Variants in SMPD1 observed in about 807,000 individuals in gnomAD.
The protein encoded by SMPD1 is sphingomyelin phosphodiesterase.
SMPD1 carries 47 observed loss-of-function variants against 49.7 expected under a neutral mutation model. That is an observed-to-expected ratio of 0.95 (90% CI 0.75 to 1.21). SMPD1 has a LOEUF of 1.21. Among genes scored for constraint, SMPD1 ranks in the 50% most tolerant of loss-of-function variants. SMPD1 has a pLI of 0.00. For synonymous variants in SMPD1, 336 were observed against 339.6 expected (o/e 0.99, Z 0.12); for missense variants, 811 against 822.2 (o/e 0.99, Z 0.17).
rs766150536 is a variant in SMPD1 at position 6,391,707 on chromosome 11, C to G, written c.642C>G (p.Asp214Glu). The change falls in exon 2 of 6, where the codon GAC becomes GAG. Residue 214 changes from aspartate (D) to glutamate (E), a missense_variant. Coordinates refer to ENST00000342245, the MANE Select transcript of SMPD1 (RefSeq NM_000543.5). ...LFLTDLHWDH[D>E]YLEGTDPDCA... is the part of the protein sequence containing the mutation. Reference sequence around the variant, plus strand: ...TCACTGACCTGCACTGGGATCATGACTACCTGGAGGGCACGGACCCTGACT... The same window carrying G: ...TCACTGACCTGCACTGGGATCATGAGTACCTGGAGGGCACGGACCCTGACT... 6.6e-7 allele frequency: 1 copy of G among 1,504,386 alleles called. No homozygotes were observed. The highest frequency in any genetic ancestry group is 1.8e-5 in the Admixed American group (1 of 55,460). 93.2% of individuals were successfully genotyped at this position (1,504,386 alleles called of 1,614,324 possible). A position where few individuals can be genotyped will look rare whatever the true frequency, so the allele number is the denominator to read the frequency against.
chr11:6,393,619 G>A lies in SMPD1; in HGVS notation c.1266G>A (p.Val422=). 6.2e-7 allele frequency: 1 copy of A among 1,612,070 alleles called. No homozygotes were observed. Among genetic ancestry groups the A allele is most frequent in the Non-Finnish European group, 8.5e-7 (1 of 1,178,158 alleles). The change falls in exon 4 of 6, where the codon GTG becomes GTA. Residue 422 remains valine, a splice_region_variant and synonymous_variant. Transcript: ENST00000342245. The part of the protein sequence containing the change: ...LQAAEDRGDK[V]HIIGHIPPGH... ...CCATCCTTAATTCTCCCTACTAGGT[G>A]CATATAATTGGCCACATTCCCCCAG... is the stretch of plus-strand genomic sequence containing the variant.
Position 6,394,917 on chromosome 11 carries a change from G to T in SMPD1, c.*310G>T. 2 of 459,500 alleles carry T rather than the reference G, an allele frequency of 4.4e-6. No individual in the cohort carries two copies. Among genetic ancestry groups the T allele is most frequent in the Non-Finnish European group, 7.9e-6 (2 of 253,076 alleles). The allele number at this position is 459,500 out of a possible 1,614,324, so 28.5% of individuals were successfully genotyped here. A position where few individuals can be genotyped will look rare whatever the true frequency, so the allele number is the denominator to read the frequency against. ...GGAGCTGTCGCCCCAGGCCTGTGCTGCCCAGCCAGGAACCCTGTACTGCTG... is the reference window on the plus strand; with the variant it reads ...GGAGCTGTCGCCCCAGGCCTGTGCTTCCCAGCCAGGAACCCTGTACTGCTG... On this transcript the variant is annotated 3_prime_UTR_variant, in exon 6 of 6. Transcript: ENST00000342245.
Position 6,390,893 on chromosome 11 carries a change from A to G in SMPD1, c.295A>G (p.Thr99Ala), listed in dbSNP as rs759645398. The G allele has an allele frequency of 5.0e-6, 8 of 1,613,746 alleles. No homozygotes were observed. Among genetic ancestry groups the G allele is most frequent in the Non-Finnish European group, 5.9e-6 (7 of 1,179,994 alleles). Reference protein sequence around the residue: ...LTCPICKGLFTAINLGLKKEP... With the variant: ...LTCPICKGLFAAINLGLKKEP... ...CTGCCCAATCTGCAAAGGTCTATTC[A>G]CCGCCATCAACCTCGGGCTGAAGGT... Residue 99 changes from threonine to alanine, a missense_variant, in exon 1 of 6, where the codon ACC becomes GCC. Thr to Ala is a moderately conservative substitution (Grantham distance 58). Coordinates refer to ENST00000342245, the MANE Select transcript of SMPD1 (RefSeq NM_000543.5).
Position 6,392,118 on chromosome 11 carries a change from G to A in SMPD1, c.1053G>A (p.Trp351Ter). Residue 351 changes from tryptophan (W) to a stop codon, truncating the protein, a stop_gained, in exon 2 of 6, where the codon TGG (tryptophan) becomes TGA (stop). Transcript: ENST00000342245. LOFTEE classifies it high-confidence loss of function. ...TCTATGAAGCGATGGCCAAGGCTTG[G>A]GAGCCCTGGCTGCCTGCCGAAGCCC... ...RWLYEAMAKA[W>*]EPWLPAEALR... is the part of the protein sequence containing the mutation. 1 of 1,614,130 alleles carries A rather than the reference G, an allele frequency of 6.2e-7. No homozygotes were observed. Among genetic ancestry groups the A allele is most frequent in the Non-Finnish European group, 8.5e-7 (1 of 1,180,016 alleles).
intron 5 of SMPD1, 42 bp from the exon 6 acceptor site, chr11:6,394,156 C>T (rs1026750774): frequency 6.2e-7 from 1 of 1,614,056 alleles, no homozygotes; most frequent in Admixed American, 1.7e-5. Context: ...CCTGGAGTTA[C>T]CCTTGCTCCT....
Position 6,394,022 on chromosome 11 carries a change from C to T in SMPD1, c.1467C>T (p.Thr489=), listed in dbSNP as rs1848065214. The change falls in exon 5 of 6, where the codon ACC becomes ACT. Residue 489 remains threonine, a synonymous_variant. Transcript: ENST00000342245. ...CCTTCCTGGCACCCAGTGCAACTAC[C>T]TACATCGGCCTTAATCCTGGTGAGT... ...AVAFLAPSAT[T]YIGLNPGYRV... 2 of 1,614,184 alleles carry T rather than the reference C, an allele frequency of 1.2e-6. No homozygotes were observed. The highest frequency in any genetic ancestry group is 1.7e-6 in the Non-Finnish European group (2 of 1,180,038).
chr11:6,392,188 A>C, intron 2 of SMPD1, 32 bp downstream of exon 2: 1 of 1,613,804 alleles, frequency 6.2e-7, no homozygotes, highest in Non-Finnish European at 8.5e-7. Context: ...CCAGGAAGGG[A>C]AAAGAAAGGT....
At position 6,394,362 on chromosome 11, in the gene SMPD1, C is replaced by T. The variant is rs1848091028; in HGVS notation, c.1651C>T (p.Leu551=). 1 of 1,614,160 alleles carries T rather than the reference C, an allele frequency of 6.2e-7. No homozygotes were observed. The change falls in exon 6 of 6, where the codon CTG becomes TTG. Residue 551 remains leucine, a synonymous_variant. Coordinates refer to ENST00000342245, the MANE Select transcript of SMPD1 (RefSeq NM_000543.5). ...AGAAACCTATGGGCTGCCCAACACA[C>T]TGCCTACCGCCTGGCACAACCTGGT... ...ARETYGLPNT[L]PTAWHNLVYR... is the part of the protein sequence containing the mutation.
intron 2 of SMPD1, 103 bp downstream of exon 2, chr11:6,392,259 CCTT>C: frequency 7.9e-7 from 1 of 1,262,772 alleles, no homozygotes; most frequent in Non-Finnish European, 1.1e-6. Context: ...TAGCATGAGT[CCTT>C]AGTGCTCTTC....
chr11:6,390,654 A>G lies in SMPD1; in HGVS notation c.56A>G (p.Gln19Arg), dbSNP rs144465428. The G allele has an allele frequency of 1.3e-4, 202 of 1,613,058 alleles. 1 individual carries two copies. Among genetic ancestry groups the G allele is most frequent in the Non-Finnish European group, 3.5e-5 (41 of 1,179,776 alleles). Residue 19 changes from glutamine to arginine, a missense_variant, in exon 1 of 6, where the codon CAG (glutamine) becomes CGG (arginine). Gln to Arg is a conservative substitution (Grantham distance 43). Coordinates refer to ENST00000342245, the MANE Select transcript of SMPD1 (RefSeq NM_000543.5). ...RQSCPRSGRE[Q>R]GQDGTAGAPG... ...AGCTGCCCCAGGTCCGGCCGGGAGC[A>G]GGGACAAGACGGGACCGCCGGAGCC...
At position 6,391,615 on chromosome 11, in the gene SMPD1, C is replaced by A; in HGVS notation, c.550C>A (p.Pro184Thr). ...TTGGAACATCTCTTTGCCTACTGTGCCGAAGCCGCCCCCCAAACCCCCTAG... is the reference window on the plus strand; with the variant it reads ...TTGGAACATCTCTTTGCCTACTGTGACGAAGCCGCCCCCCAAACCCCCTAG... ...SSWNISLPTV[P>T]KPPPKPPSPP... Residue 184 changes from proline to threonine, a missense_variant, in exon 2 of 6, where the codon CCG becomes ACG. By Grantham distance (38) the Pro-to-Thr change is conservative (BLOSUM62 -1). Transcript: ENST00000342245. The A allele has an allele frequency of 6.4e-7, 1 of 1,570,738 alleles. No individual in the cohort carries two copies. Among genetic ancestry groups the A allele is most frequent in the Non-Finnish European group, 8.6e-7 (1 of 1,158,260 alleles).
Position 6,394,739 on chromosome 11 carries a change from A to G in SMPD1, c.*132A>G. 1 of 782,018 alleles carries G rather than the reference A, an allele frequency of 1.3e-6. No homozygotes were observed. Among genetic ancestry groups the G allele is most frequent in the Admixed American group, 2.2e-5 (1 of 44,524 alleles). 48.4% of individuals were successfully genotyped at this position (782,018 alleles called of 1,614,324 possible). On this transcript the variant is annotated 3_prime_UTR_variant, in exon 6 of 6. Coordinates refer to ENST00000342245, the MANE Select transcript of SMPD1 (RefSeq NM_000543.5). ...CCCTGGGCCCCAAGGATGCCGGGGA[A>G]ACAGGACCTTCTCCTTTCCTGGAGC...
chr11:6,392,337 T>A (rs1847964961), intron 2 of SMPD1, 181 bp downstream of exon 2: 2 of 639,312 alleles, frequency 3.1e-6, no homozygotes, highest in Non-Finnish European at 5.3e-6. Context: ...GGCTTTTTTT[T>A]TTTTTTTTTT....
chr11:6,394,202 C>T lies in SMPD1; in HGVS notation c.1491C>T (p.Tyr497=). 1 of 1,614,184 alleles carries T rather than the reference C, an allele frequency of 6.2e-7. No homozygotes were observed. Among genetic ancestry groups the T allele is most frequent in the Non-Finnish European group, 8.5e-7 (1 of 1,180,034 alleles). Residue 497 remains tyrosine, a synonymous_variant, in exon 6 of 6, where the codon TAC becomes TAT. Transcript: ENST00000342245. The stretch of plus-strand genomic sequence containing the variant: ...GTCAGCCCCACATCCTTGCAGGTTA[C>T]CGTGTGTACCAAATAGATGGAAACT... ...ATTYIGLNPG[Y]RVYQIDGNYS... is the part of the protein sequence containing the mutation.
Position 6,391,424 on chromosome 11 carries a change from A to G in SMPD1, c.359A>G (p.Lys120Arg). The G allele has an allele frequency of 1.2e-6, 2 of 1,613,348 alleles. No individual in the cohort carries two copies. Among genetic ancestry groups the G allele is most frequent in the Non-Finnish European group, 1.7e-6 (2 of 1,180,008 alleles). ...GCTCGCGTGGGCTCCGTGGCCATCA[A>G]GCTGTGCAATCTGCTGAAGATAGCA... ...NVARVGSVAIKLCNLLKIAPP... is the reference protein window; with the variant it reads ...NVARVGSVAIRLCNLLKIAPP... The change falls in exon 2 of 6, where the codon AAG becomes AGG. Residue 120 changes from lysine to arginine, a missense_variant. Lys to Arg is a conservative substitution (Grantham distance 26). Coordinates refer to ENST00000342245, the MANE Select transcript of SMPD1 (RefSeq NM_000543.5).
intron 2 of SMPD1, among the ~76,000 whole-genome samples, chr11:6,392,485 C>CTT (rs1484033993): frequency 4.9e-5 from 5 of 102,474 alleles, no homozygotes; most frequent in Non-Finnish European, 9.8e-5. Context: ...CCTGGCCCTC[C>CTT]CTTTTTTTTT....
In SMPD1 at chr11:6,390,708, T is replaced by C. The variant is rs1847863252; in HGVS notation, c.110T>C (p.Leu37Pro). ...GGACTCCTTTGGATGGGCCTGGTGC[T>C]GGCGCTGGCGCTGGCGCTGGCGCTG... is the stretch of plus-strand genomic sequence containing the variant. ...APGLLWMGLV[L>P]ALALALALAL... Residue 37 changes from leucine (L) to proline (P), a missense_variant, in exon 1 of 6, where the codon CTG (leucine) becomes CCG (proline). Physicochemically the swap from Leu to Pro is moderately conservative, Grantham distance 98 (BLOSUM62 -3). Coordinates refer to ENST00000342245, the MANE Select transcript of SMPD1 (RefSeq NM_000543.5). 3.9e-6 allele frequency: 2 copies of C among 517,030 alleles called. No individual in the cohort carries two copies. Among genetic ancestry groups the C allele is most frequent in the Admixed American group, 6.0e-5 (2 of 33,114 alleles). 32.0% of individuals were successfully genotyped at this position (517,030 alleles called of 1,614,324 possible). A position where few individuals can be genotyped will look rare whatever the true frequency, so the allele number is the denominator to read the frequency against.
intron 2 of SMPD1, among the ~76,000 whole-genome samples, chr11:6,392,486 CTTTTTTTTTTTTTTTT>C (rs754271358): frequency 3.3e-4 from 15 of 45,748 alleles, no homozygotes; most frequent in South Asian, 1.6e-3. Context: ...CTGGCCCTCC[CTTTTTTTTTTTTTTTT>C]TTTTTTTTTT....
Position 6,390,714 on chromosome 11 carries a change from T to C in SMPD1, c.116T>C (p.Leu39Pro), listed in dbSNP as rs1364641401. Residue 39 changes from leucine to proline, a missense_variant, in exon 1 of 6, where the codon CTG (leucine) becomes CCG (proline). By Grantham distance (98) the Leu-to-Pro change is moderately conservative. Transcript: ENST00000342245. ...CTTTGGATGGGCCTGGTGCTGGCGC[T>C]GGCGCTGGCGCTGGCGCTGGCGCTG... ...GLLWMGLVLA[L>P]ALALALALAL... 1 of 1,547,068 alleles carries C rather than the reference T, an allele frequency of 6.5e-7. No individual in the cohort carries two copies. The highest frequency in any genetic ancestry group is 2.3e-5 in the East Asian group (1 of 42,848).
Sources: allele counts gnomAD v4.1 joint callset (sites outside exome capture counted in the v4.1 genomes callset), GRCh38; gene constraint gnomAD v4.1.1; transcripts MANE v1.5; gene names NCBI Gene and HGNC (gene_info 2026-07-23, HGNC 2026-07-21).